The following DHRSX variants were observed in gnomAD, a reference collection of about 807,000 sequenced individuals.
DHRSX encodes the protein dehydrogenase/reductase X-linked.
DHRSX carries 31 observed loss-of-function variants against 34.0 expected under a neutral mutation model. The ratio of observed to expected loss-of-function variants is 0.91; its 90% confidence interval spans 0.69 to 1.23. The LOEUF (loss-of-function observed/expected upper bound fraction) is 1.23, where lower values mean the gene tolerates loss of function less well. Ranked by LOEUF, DHRSX falls within the 50% of genes most tolerant of loss-of-function variation. DHRSX has a pLI of 0.00. For missense variants in DHRSX, 414 were observed against 428.1 expected (o/e 0.97, Z 0.29); for synonymous variants, 201 against 183.8 (o/e 1.09, Z -0.76).
intron 3 of DHRSX, among the ~76,000 whole-genome samples, chrX:2,335,817 T>C (rs755030124): frequency 6.6e-6 from 1 of 152,038 alleles, no homozygotes; most frequent in African/African-American, 2.4e-5. Flanking sequence ...GACTTTTCCC[T>C]TGAGCTTAGT....
At chrX:2,360,540 G>A (rs763976227) in intron 3 of DHRSX, among the ~76,000 whole-genome samples, 851 of 152,064 alleles carry the variant, frequency 5.6e-3, no homozygotes, top group Non-Finnish European at 8.5e-3. Context: ...CCAAGATCGC[G>A]CCACTGCACT....
chrX:2,486,688 C>G (rs1348813059), intron 1 of DHRSX: 1 of 152,300 alleles, frequency 6.6e-6, no homozygotes, highest in Non-Finnish European at 1.5e-5. Context: ...GGAGCAACCC[C>G]AAAGCCTGCC....
At chrX:2,249,558 C>G (rs1316613367) in intron 5 of DHRSX, among the ~76,000 whole-genome samples, 4 of 118,206 alleles carry the variant, frequency 3.4e-5, no homozygotes, top group Non-Finnish European at 6.5e-5. Flanking sequence ...GAGTCTCGCT[C>G]TGTAGCCCAG....
intron 1 of DHRSX, among the ~76,000 whole-genome samples, chrX:2,456,969 T>A (rs1281762993): frequency 6.6e-6 from 1 of 151,844 alleles, no homozygotes; most frequent in East Asian, 1.9e-4. Context: ...ATGAATGGGG[T>A]CAGGACAGTG....
intron 2 of DHRSX, among the ~76,000 whole-genome samples, chrX:2,420,949 C>T (rs1332338950): frequency 6.6e-6 from 1 of 152,158 alleles, no homozygotes; most frequent in South Asian, 2.1e-4. Flanking sequence ...TAGCCAAACA[C>T]GATGTTATCA....
At chrX:2,313,956 GTTGAGT>G (rs1387998105) in intron 3 of DHRSX, among the ~76,000 whole-genome samples, 1 of 151,904 alleles carries the variant, frequency 6.6e-6, no homozygotes, top group African/African-American at 2.4e-5. Flanking sequence ...TTGACAACTG[GTTGAGT>G]TTATCTGAAG....
Position 2,243,809 on chromosome X carries a change from T to TTTTTTTTG in DHRSX, c.597-580_597-579insCAAAAAAA, listed in dbSNP as rs2016212117. On this transcript the variant is annotated intron_variant, in intron 5 of 6. Transcript: ENST00000334651. ...CCCTGTTTTTTTTTTTTTTTTTTTT[T>TTTTTTTTG]TTTTTTTTTTTTTGAGACAGATTCT... 2.7e-4 allele frequency among the ~76,000 whole-genome samples: 28 copies of TTTTTTTTG among 104,470 alleles called. 2 individuals carry two copies. In the Middle Eastern group the frequency reaches 0.015, roughly 55 times the overall value. The allele number at this position is 104,470 out of a possible 152,430, so 68.5% of individuals were successfully genotyped here.
chrX:2,465,116 C>T (rs1369677584), intron 1 of DHRSX, among the ~76,000 whole-genome samples: 2 of 151,832 alleles, frequency 1.3e-5, no homozygotes, highest in East Asian at 3.9e-4. Flanking sequence ...CAGGGACAGC[C>T]ACCGTGTACA....
intron 1 of DHRSX, among the ~76,000 whole-genome samples, chrX:2,483,164 C>T (rs753435808): frequency 4.5e-4 from 69 of 152,312 alleles, no homozygotes; most frequent in African/African-American, 1.6e-3. Context: ...CAGCTCACTG[C>T]AGCCTCGACT....
chrX:2,277,463 G>GAC (rs2041685287), intron 4 of DHRSX, among the ~76,000 whole-genome samples: 1 of 66,870 alleles, frequency 1.5e-5, no homozygotes, highest in African/African-American at 4.5e-5. Flanking sequence ...AACAGGGAGA[G>GAC]AGAGGGAGGG....
At chrX:2,288,099 C>A (rs1199175035) in intron 4 of DHRSX, among the ~76,000 whole-genome samples, 1 of 144,228 alleles carries the variant, frequency 6.9e-6, no homozygotes, top group African/African-American at 2.6e-5. Flanking sequence ...ACAAGGCAGG[C>A]AGAAGAACAA....
intron 4 of DHRSX, among the ~76,000 whole-genome samples, chrX:2,283,913 C>T (rs1385946248): frequency 1.1e-4 from 3 of 26,316 alleles, no homozygotes; most frequent in African/African-American, 4.0e-4. Flanking sequence ...TTTGAATTCA[C>T]TCATTCCTTT....
chrX:2,467,284 T>C (rs2044511290), intron 1 of DHRSX, among the ~76,000 whole-genome samples: 1 of 152,036 alleles, frequency 6.6e-6, no homozygotes, highest in South Asian at 2.1e-4. Context: ...CGAGACCTAA[T>C]AAGACATCTG....
intron 6 of DHRSX, among the ~76,000 whole-genome samples, chrX:2,234,391 G>T (rs2015966404): frequency 6.6e-6 from 1 of 151,572 alleles, no homozygotes; most frequent in Admixed American, 6.6e-5. Flanking sequence ...CATGCACACA[G>T]CCCTGATCCA....
At chrX:2,387,305 C>T (rs1257808988) in intron 3 of DHRSX, among the ~76,000 whole-genome samples, 3 of 152,026 alleles carry the variant, frequency 2.0e-5, no homozygotes, top group Non-Finnish European at 4.4e-5. Flanking sequence ...AAGGAACGGA[C>T]CCTGTATTGG....
chrX:2,265,758 GCT>G (rs1157732407), intron 5 of DHRSX, among the ~76,000 whole-genome samples: 5 of 142,044 alleles, frequency 3.5e-5, no homozygotes, highest in South Asian at 2.3e-4. Context: ...GAGCACCAGT[GCT>G]TGGCAGACGC....
At chrX:2,223,132 A>G (rs1012742005) in intron 6 of DHRSX, among the ~76,000 whole-genome samples, 3 of 152,108 alleles carry the variant, frequency 2.0e-5, no homozygotes, top group African/African-American at 7.3e-5. Context: ...GTCCCCACCC[A>G]AATTTCATCT....
intron 1 of DHRSX, among the ~76,000 whole-genome samples, chrX:2,458,660 G>A (rs1399020541): frequency 6.9e-6 from 1 of 144,516 alleles, no homozygotes; most frequent in East Asian, 1.9e-4. Flanking sequence ...AATGGTGGTT[G>A]CCAGGGAAGA....
chrX:2,300,228 T>C (rs1295220453), intron 3 of DHRSX, among the ~76,000 whole-genome samples: 3 of 152,144 alleles, frequency 2.0e-5, no homozygotes, highest in African/African-American at 7.2e-5. Flanking sequence ...AGGACATCGT[T>C]ATAGACTGAG....
Sources: gnomAD v4.1 joint callset for allele counts (sites outside exome capture counted in the v4.1 genomes callset) on GRCh38, gnomAD v4.1.1 for gene constraint, MANE v1.5 for transcripts, NCBI Gene and HGNC (gene_info 2026-07-23, HGNC 2026-07-21) for gene names.